ST6GALNAC3: variants seen among roughly 807,000 people sequenced by gnomAD.
The protein encoded by ST6GALNAC3 is ST6 N-acetylgalactosaminide alpha-2,6-sialyltransferase 3.
ST6GALNAC3 carries 25 observed loss-of-function variants against 32.7 expected under a neutral mutation model. The observed-to-expected ratio is 0.76, with a 90% confidence interval of 0.56 to 1.07. ST6GALNAC3 has a LOEUF of 1.07. Ranked by LOEUF, ST6GALNAC3 falls within the 50% of genes least tolerant of loss-of-function variation. ST6GALNAC3 has a pLI of 0.00. For synonymous variants in ST6GALNAC3, 129 were observed against 133.1 expected, an observed-to-expected ratio of 0.97 and a Z score of 0.21; for missense variants, 355 against 382.4, an observed-to-expected ratio of 0.93 and a Z score of 0.60.
chr1:76,426,362 T>G (rs1323678012), intron 3 of ST6GALNAC3, among the ~76,000 whole-genome samples: 1 of 151,772 alleles, frequency 6.6e-6, no homozygotes, highest in African/African-American at 2.4e-5. Context: ...TTTGGGATTG[T>G]TAGTTCATTA....
At position 76,251,989 on chromosome 1, in the gene ST6GALNAC3, C is replaced by A. The variant is rs367837521; in HGVS notation, c.19-61816C>A. Among the ~76,000 whole-genome samples, 12 of 152,242 alleles carry A rather than the reference C, an allele frequency of 7.9e-5. No homozygotes were observed. In the East Asian group the frequency reaches 9.7e-4, roughly 12 times the overall value. ...TCTAAAGGCAAACATGCTCAGGTTT[C>A]AAATTAGTCTGAAGTGTGGTTTAAG... On this transcript the variant is annotated intron_variant, in intron 1 of 4. Transcript: ENST00000328299.
chr1:76,513,840 C>T (rs567854644), intron 3 of ST6GALNAC3, among the ~76,000 whole-genome samples: 2 of 151,822 alleles, frequency 1.3e-5, no homozygotes, highest in South Asian at 2.1e-4. Context: ...CTTTCCTCAG[C>T]GTTTTATAGT....
chr1:76,188,573 G>T (rs1045753808), intron 1 of ST6GALNAC3, among the ~76,000 whole-genome samples: 26 of 152,068 alleles, frequency 1.7e-4, no homozygotes, highest in African/African-American at 6.3e-4. Flanking sequence ...TGAACAATAT[G>T]GGAGTTAGGG....
At chr1:76,166,371 G>A (rs1237326087) in intron 1 of ST6GALNAC3, among the ~76,000 whole-genome samples, 1 of 151,914 alleles carries the variant, frequency 6.6e-6, no homozygotes, top group Non-Finnish European at 1.5e-5. Context: ...TTCTCTTTTT[G>A]TACCAGTACT....
At chr1:76,425,635 T>C (rs1181900234) in intron 3 of ST6GALNAC3, among the ~76,000 whole-genome samples, 1 of 151,986 alleles carries the variant, frequency 6.6e-6, no homozygotes, top group Non-Finnish European at 1.5e-5. Context: ...TGGTCTCACC[T>C]CCTTATTTTT....
At chr1:76,174,663 C>CTTTT (rs59269306) in intron 1 of ST6GALNAC3, among the ~76,000 whole-genome samples, 44 of 140,080 alleles carry the variant, frequency 3.1e-4, no homozygotes, top group Admixed American at 5.1e-4. Flanking sequence ...TTTTTCTTTT[C>CTTTT]TTTTTTTTTT....
chr1:76,153,640 G>A (rs1025720480), intron 1 of ST6GALNAC3, among the ~76,000 whole-genome samples: 2 of 152,172 alleles, frequency 1.3e-5, no homozygotes, highest in Non-Finnish European at 2.9e-5. Context: ...AGATTTTTCT[G>A]TGTTTTGCTG....
Position 76,444,913 on chromosome 1 carries a change from C to G in ST6GALNAC3, c.623+32496C>G, listed in dbSNP as rs144805038. The stretch of plus-strand genomic sequence containing the variant: ...TGGTCATCAATCTACATTTCATATG[C>G]AATAACTTTCTCATTTGTCCATTTC... On this transcript the variant is annotated intron_variant, in intron 3 of 4. Coordinates refer to ENST00000328299, the MANE Select transcript of ST6GALNAC3 (RefSeq NM_152996.4). Among the ~76,000 whole-genome samples, 383 of 152,266 alleles carry G rather than the reference C, an allele frequency of 2.5e-3. 1 individual carries two copies. Among genetic ancestry groups the G allele is most frequent in the African/African-American group, 8.7e-3 (361 of 41,556 alleles).
intron 1 of ST6GALNAC3, among the ~76,000 whole-genome samples, chr1:76,106,452 GA>G (rs1647539382): frequency 6.6e-6 from 1 of 152,162 alleles, no homozygotes; most frequent in Admixed American, 6.5e-5. Flanking sequence ...ATGCTGCTGG[GA>G]CTTTGAGCTC....
chr1:76,402,085 T>C (rs1653468315), intron 2 of ST6GALNAC3, among the ~76,000 whole-genome samples: 1 of 152,158 alleles, frequency 6.6e-6, no homozygotes, highest in Non-Finnish European at 1.5e-5. Flanking sequence ...CAGTCTGATA[T>C]TTGAAAGTTA....
intron 1 of ST6GALNAC3, among the ~76,000 whole-genome samples, chr1:76,154,642 A>G (rs1054718158): frequency 2.0e-5 from 3 of 152,090 alleles, no homozygotes; most frequent in African/African-American, 4.8e-5. Context: ...CCTGGTTGCA[A>G]TGTGGCCGTA....
intron 3 of ST6GALNAC3, among the ~76,000 whole-genome samples, chr1:76,598,093 A>C (rs1647165727): frequency 6.6e-6 from 1 of 152,110 alleles, no homozygotes; most frequent in Non-Finnish European, 1.5e-5. Context: ...TAGTTCACAG[A>C]CAGCATCTTC....
At chr1:76,401,576 T>C (rs528529542) in intron 2 of ST6GALNAC3, among the ~76,000 whole-genome samples, 1 of 152,292 alleles carries the variant, frequency 6.6e-6, no homozygotes, top group Non-Finnish European at 1.5e-5. Context: ...TATGGGGCAT[T>C]GTGCTTAAAA....
At chr1:76,220,203 A>AT (rs531295739) in intron 1 of ST6GALNAC3, among the ~76,000 whole-genome samples, 2 of 152,066 alleles carry the variant, frequency 1.3e-5, no homozygotes, top group African/African-American at 2.4e-5. Context: ...ACTTTCTTGA[A>AT]TTTTTTTCCC....
intron 3 of ST6GALNAC3, among the ~76,000 whole-genome samples, chr1:76,476,145 G>A (rs764759755): frequency 2.2e-4 from 34 of 152,096 alleles, no homozygotes; most frequent in Admixed American, 4.6e-4. Context: ...CAAGCAAACC[G>A]AAACTGACAT....
At chr1:76,443,921 C>G (rs915724560) in intron 3 of ST6GALNAC3, among the ~76,000 whole-genome samples, 11 of 152,158 alleles carry the variant, frequency 7.2e-5, no homozygotes, top group African/African-American at 2.7e-4. Context: ...ATTTGGCATT[C>G]TAATAACTGT....
At chr1:76,430,177 G>T (rs1259686529) in intron 3 of ST6GALNAC3, among the ~76,000 whole-genome samples, 2 of 152,086 alleles carry the variant, frequency 1.3e-5, no homozygotes, top group East Asian at 3.9e-4. Flanking sequence ...GGCTCTCATT[G>T]TCTCAGGTCT....
intron 1 of ST6GALNAC3, among the ~76,000 whole-genome samples, chr1:76,174,558 CCTAT>C (rs529249877): frequency 1.0e-3 from 156 of 151,794 alleles, no homozygotes; most frequent in Middle Eastern, 3.5e-3. Flanking sequence ...TATCTGTCTA[CCTAT>C]CTATCTGCTT....
intron 1 of ST6GALNAC3, among the ~76,000 whole-genome samples, chr1:76,111,500 G>T (rs1207474959): frequency 6.6e-6 from 1 of 151,248 alleles, no homozygotes; most frequent in Non-Finnish European, 1.5e-5. Context: ...GGATTTGGCA[G>T]GGTCACAGGA....
Sources: gnomAD v4.1 joint callset for allele counts (sites outside exome capture counted in the v4.1 genomes callset) on GRCh38, gnomAD v4.1.1 for gene constraint, MANE v1.5 for transcripts, NCBI Gene and HGNC (gene_info 2026-07-23, HGNC 2026-07-21) for gene names.